The following CD163L1 variants were observed in gnomAD, a reference collection of about 807,000 sequenced individuals.
CD163L1 encodes the protein CD163 molecule like 1, also known as scavenger receptor cysteine-rich type 1 protein M160.
CD163L1 carries 124 observed loss-of-function variants against 165.4 expected under a neutral mutation model. That is an observed-to-expected ratio of 0.75 (90% confidence interval 0.65 to 0.87). CD163L1 has a LOEUF of 0.87. Among genes scored for constraint, CD163L1 ranks in the 40% least tolerant of loss-of-function variants. CD163L1 has a pLI of 0.00. For missense variants in CD163L1, 1,525 were observed against 1,799.9 expected, an observed-to-expected ratio of 0.85 and a Z score of 2.76; for synonymous variants, 585 against 662.2, an observed-to-expected ratio of 0.88 and a Z score of 1.79.
Position 7,421,402 on chromosome 12 carries a change from ATCTTCCAAATG to A in CD163L1, c.766+11003_766+11013del, listed in dbSNP as rs1470702677. On this transcript the variant is annotated intron_variant, in intron 4 of 19. Transcript: ENST00000313599. Reference sequence around the variant, plus strand: ...ATTTGGAAGATATATATGTATATATATCTTCCAAATGTATATATACATATATGTACATATAT... The same window carrying A: ...ATTTGGAAGATATATATGTATATATATATATATACATATATGTACATATAT... 4.1e-4 allele frequency among the ~76,000 whole-genome samples: 29 copies of A among 69,940 alleles called. 1 individual carries two copies. The highest frequency in any genetic ancestry group is 1.2e-3 in the East Asian group (2 of 1,668). The allele number at this position is 69,940 out of a possible 152,430, so 45.9% of individuals were successfully genotyped here.
In CD163L1 at chr12:7,367,265, C is replaced by A; in HGVS notation, c.4250G>T (p.Arg1417Ile). The change falls in exon 18 of 20, where the codon AGA becomes ATA. Residue 1417 changes from arginine to isoleucine, a missense_variant. Physicochemically the swap from Arg to Ile is moderately conservative, Grantham distance 97. Transcript: ENST00000313599. ...GGTTCTTGTCCCATGTGGGTCCTCT[C>A]TCTTGAGGCAGGTCTCCATCTCATG... is the stretch of plus-strand genomic sequence containing the variant. The part of the protein sequence containing the change: ...LFHEMETCLK[R>I]EDPHGTRTSD... 1 of 1,613,596 alleles carries A rather than the reference C, an allele frequency of 6.2e-7. No homozygotes were observed. The highest frequency in any genetic ancestry group is 1.1e-5 in the South Asian group (1 of 91,016).
At chr12:7,402,584 C>A (rs536667512) in intron 6 of CD163L1, among the ~76,000 whole-genome samples, 2 of 151,912 alleles carry the variant, frequency 1.3e-5, no homozygotes, top group Non-Finnish European at 2.9e-5. Context: ...CCTTTTTTTC[C>A]CTTCATAAAG....
At chr12:7,394,123 A>AAC (rs1555198592) in intron 8 of CD163L1, among the ~76,000 whole-genome samples, 2 of 151,388 alleles carry the variant, frequency 1.3e-5, no homozygotes, top group Admixed American at 6.6e-5. Flanking sequence ...ACAAAAAAAA[A>AAC]ATCACATAGC....
intron 4 of CD163L1, among the ~76,000 whole-genome samples, chr12:7,426,407 T>C (rs994095605): frequency 6.6e-6 from 1 of 151,998 alleles, no homozygotes; most frequent in Non-Finnish European, 1.5e-5. Context: ...TGTATATCTA[T>C]GTAACAAATC....
chr12:7,410,701 G>A (rs1591940650), intron 4 of CD163L1, among the ~76,000 whole-genome samples: 3 of 150,188 alleles, frequency 2.0e-5, no homozygotes, highest in African/African-American at 4.9e-5. Flanking sequence ...ATGATGGCAC[G>A]TGCCTGTAGT....
chr12:7,361,791 G>A (rs748417253), intron 18 of CD163L1, among the ~76,000 whole-genome samples: 2 of 152,074 alleles, frequency 1.3e-5, no homozygotes, highest in African/African-American at 4.8e-5. Flanking sequence ...TTTTTTTTAA[G>A]TGTACGATTT....
At chr12:7,428,726 G>C (rs1948583814) in intron 4 of CD163L1, among the ~76,000 whole-genome samples, 1 of 152,058 alleles carries the variant, frequency 6.6e-6, no homozygotes. Flanking sequence ...TCAACTGGCT[G>C]TAATTTTGGC....
chr12:7,420,619 C>G (rs968037175), intron 4 of CD163L1, among the ~76,000 whole-genome samples: 5 of 151,960 alleles, frequency 3.3e-5, no homozygotes, highest in Non-Finnish European at 7.4e-5. Flanking sequence ...CTCAACATCA[C>G]TCATGATCAG....
At chr12:7,384,185 T>TC (rs1947468351) in intron 8 of CD163L1, among the ~76,000 whole-genome samples, 4 of 151,228 alleles carry the variant, frequency 2.6e-5, no homozygotes, top group African/African-American at 9.8e-5. Flanking sequence ...AAAAATCAAA[T>TC]AAAGCAGAAG....
chr12:7,433,158 CTT>C (rs1948658053), intron 3 of CD163L1, among the ~76,000 whole-genome samples: 2 of 152,098 alleles, frequency 1.3e-5, no homozygotes, highest in Admixed American at 6.5e-5. Context: ...CTGTCTCTCT[CTT>C]TCTCTCTCCA....
chr12:7,414,208 C>T (rs1948193671), intron 4 of CD163L1, among the ~76,000 whole-genome samples: 1 of 151,802 alleles, frequency 6.6e-6, no homozygotes, highest in African/African-American at 2.4e-5. Flanking sequence ...CATAGATAGG[C>T]AACTAAATAA....
At position 7,355,802 on chromosome 12, in the gene CD163L1, G is replaced by A. The variant is rs1004695961; in HGVS notation, c.*25-672C>T. 2.6e-5 allele frequency among the ~76,000 whole-genome samples: 4 copies of A among 152,068 alleles called. No homozygotes were observed. The East Asian group carries it at 7.7e-4, about 29-fold the overall frequency. ...CACAGACCAAGGGATGACCATCTGA[G>A]GGCATAACAAGAAGATGACTGCCTG... On this transcript the variant is annotated intron_variant, in intron 19 of 19. Coordinates refer to ENST00000313599, the MANE Select transcript of CD163L1 (RefSeq NM_174941.6).
Position 7,367,253 on chromosome 12 carries a change from T to C in CD163L1, c.4262A>G (p.His1421Arg), listed in dbSNP as rs761975670. The change falls in exon 18 of 20, where the codon CAT becomes CGT. Residue 1421 changes from histidine to arginine, a missense_variant. His to Arg is a conservative substitution (Grantham distance 29). Coordinates refer to ENST00000313599, the MANE Select transcript of CD163L1 (RefSeq NM_174941.6). ...GCACAGACCTGAGGTTCTTGTCCCATGTGGGTCCTCTCTCTTGAGGCAGGT... is the reference window on the plus strand; with the variant it reads ...GCACAGACCTGAGGTTCTTGTCCCACGTGGGTCCTCTCTCTTGAGGCAGGT... ...METCLKREDP[H>R]GTRTSDDTPN... 3.7e-6 allele frequency: 6 copies of C among 1,612,790 alleles called. No individual in the cohort carries two copies. In the Middle Eastern group the frequency reaches 6.6e-4, roughly 178 times the overall value.
chr12:7,407,972 T>G (rs954963950), intron 4 of CD163L1, among the ~76,000 whole-genome samples: 1 of 152,026 alleles, frequency 6.6e-6, no homozygotes, highest in Non-Finnish European at 1.5e-5. Context: ...AATGCAAAGT[T>G]TTAATCAGCG....
chr12:7,409,042 T>C lies in CD163L1; in HGVS notation c.767-2190A>G, dbSNP rs766571793. On this transcript the variant is annotated intron_variant, in intron 4 of 19. Coordinates refer to ENST00000313599, the MANE Select transcript of CD163L1 (RefSeq NM_174941.6). ...ATGACTTCTATGGAAGGTGAGATCA[T>C]TGAGGCCATACAGTAAGTTTATAAA... Among the ~76,000 whole-genome samples the C allele has an allele frequency of 7.0e-4, 107 of 152,216 alleles. 3 individuals carry two copies. The highest frequency in any genetic ancestry group is 3.3e-4 in the Admixed American group (5 of 15,276).
At chr12:7,419,246 A>T (rs1948302613) in intron 4 of CD163L1, among the ~76,000 whole-genome samples, 1 of 152,180 alleles carries the variant, frequency 6.6e-6, no homozygotes, top group African/African-American at 2.4e-5. Context: ...ACATAAACAG[A>T]ATTAAAAGCG....
Position 7,442,983 on chromosome 12 carries a change from T to A in CD163L1, c.31+1114A>T, listed in dbSNP as rs75382334. On this transcript the variant is annotated intron_variant, in intron 1 of 19. Transcript: ENST00000313599. ...TATATATCTAATACCATCTCACCAA[T>A]TCAAGACCTTCATCTTTCCCATTCC... 5.8e-3 allele frequency among the ~76,000 whole-genome samples: 878 copies of A among 152,328 alleles called. 11 individuals are homozygous for A. The highest frequency in any genetic ancestry group is 0.02 in the African/African-American group (850 of 41,580).
At chr12:7,337,208 T>C in the CD163L1 span, among the ~76,000 whole-genome samples, 1 of 152,024 alleles carries the variant, frequency 6.6e-6, no homozygotes, top group South Asian at 2.1e-4. Flanking sequence ...CCTAAAACCA[T>C]AAAAACCCTA....
At chr12:7,337,803 A>C in the CD163L1 span, among the ~76,000 whole-genome samples, 1 of 152,230 alleles carries the variant, frequency 6.6e-6, no homozygotes, top group Non-Finnish European at 1.5e-5. Flanking sequence ...TTGATCCAGC[A>C]ATCCCATTAT....
Sources: gnomAD v4.1 joint callset for allele counts (sites outside exome capture counted in the v4.1 genomes callset) on GRCh38, gnomAD v4.1.1 for gene constraint, MANE v1.5 for transcripts, NCBI Gene and HGNC (gene_info 2026-07-23, HGNC 2026-07-21) for gene names.